DPP10: variants seen among roughly 807,000 people sequenced by gnomAD.
DPP10 encodes the protein dipeptidyl peptidase like 10, also known as inactive dipeptidyl peptidase 10.
In DPP10, 33 loss-of-function variants were observed where a neutral mutation model predicts 120.9. That is an observed-to-expected ratio of 0.27 (90% CI 0.21 to 0.37). DPP10 has a LOEUF of 0.37. Ranked by LOEUF, DPP10 falls within the 10% of genes least tolerant of loss-of-function variation. The probability of loss-of-function intolerance (pLI) is 1.00; values close to 1 mark genes in which losing one functional copy is unlikely to be tolerated. For synonymous variants in DPP10, 337 were observed against 326.1 expected (o/e 1.03, Z -0.36); for missense variants, 816 against 942.8 (o/e 0.87, Z 1.76).
At chr2:114,948,191 C>A (rs76704099) in intron 1 of DPP10, among the ~76,000 whole-genome samples, 1 of 152,044 alleles carries the variant, frequency 6.6e-6, no homozygotes, top group South Asian at 2.1e-4. Flanking sequence ...TCAGCTCACT[C>A]GTTTGTTCTT....
At chr2:115,442,971 AC>A (rs1429114690) in intron 3 of DPP10, among the ~76,000 whole-genome samples, 2 of 152,188 alleles carry the variant, frequency 1.3e-5, no homozygotes, top group Non-Finnish European at 2.9e-5. Flanking sequence ...AAGGTCTGTA[AC>A]AATGATTGAG....
intron 13 of DPP10, 75 bp from the exon 14 acceptor site, chr2:115,777,133 A>G (rs1682198736): frequency 3.1e-6 from 4 of 1,292,846 alleles, no homozygotes; most frequent in Middle Eastern, 1.9e-4. Flanking sequence ...TGTCACAAGC[A>G]GTTGGTACAT....
chr2:114,907,052 T>A (rs1023487533), intron 1 of DPP10, among the ~76,000 whole-genome samples: 1 of 152,164 alleles, frequency 6.6e-6, no homozygotes, highest in African/African-American at 2.4e-5. Context: ...TGAATCAGTC[T>A]TGGTAGTTTG....
intron 5 of DPP10, among the ~76,000 whole-genome samples, chr2:115,563,464 G>A (rs2080813597): frequency 6.6e-6 from 1 of 152,084 alleles, no homozygotes; most frequent in African/African-American, 2.4e-5. Flanking sequence ...ATGAGAAAAT[G>A]GAAAGGCAAA....
At position 115,517,637 on chromosome 2, in the gene DPP10, A is replaced by G. The variant is rs182489502; in HGVS notation, c.367-8261A>G. On this transcript the variant is annotated intron_variant, in intron 4 of 25. Transcript: ENST00000410059. ...TCTTTACATATATTACCATATATTTATTGTTTATCTTACATTTAAATTTAA... is the reference window on the plus strand; with the variant it reads ...TCTTTACATATATTACCATATATTTGTTGTTTATCTTACATTTAAATTTAA... 4.6e-5 allele frequency among the ~76,000 whole-genome samples: 7 copies of G among 152,248 alleles called. No individual in the cohort carries two copies. In the East Asian group the frequency reaches 1.4e-3, roughly 29 times the overall value.
chr2:114,528,073 T>C (rs1685653095), intron 1 of DPP10, among the ~76,000 whole-genome samples: 1 of 152,132 alleles, frequency 6.6e-6, no homozygotes, highest in Admixed American at 6.5e-5. Context: ...AGGAACTTAC[T>C]TGAAGACGGA....
chr2:115,419,974 C>T (rs1356249367), intron 3 of DPP10, among the ~76,000 whole-genome samples: 1 of 152,048 alleles, frequency 6.6e-6, no homozygotes, highest in Non-Finnish European at 1.5e-5. Context: ...AGATGACTTA[C>T]ATTATCCTTA....
intron 5 of DPP10, among the ~76,000 whole-genome samples, chr2:115,659,711 G>T (rs1404614752): frequency 6.6e-6 from 1 of 152,104 alleles, no homozygotes; most frequent in Non-Finnish European, 1.5e-5. Context: ...AATATACAGA[G>T]AAATTTCCAA....
intron 3 of DPP10, among the ~76,000 whole-genome samples, chr2:115,374,649 C>T (rs1408057584): frequency 6.6e-6 from 1 of 152,230 alleles, no homozygotes; most frequent in Non-Finnish European, 1.5e-5. Context: ...TCTGCCTGGA[C>T]ATCCAGGCGT....
At chr2:115,668,478 G>T (rs1381819675) in intron 5 of DPP10, among the ~76,000 whole-genome samples, 2 of 152,044 alleles carry the variant, frequency 1.3e-5, no homozygotes, top group African/African-American at 4.8e-5. Flanking sequence ...GAATTTCCCA[G>T]ACCCCAGGAG....
chr2:114,517,451 C>T (rs1475324038), intron 1 of DPP10, among the ~76,000 whole-genome samples: 19 of 150,076 alleles, frequency 1.3e-4, no homozygotes, highest in African/African-American at 2.2e-4. Flanking sequence ...ACCTGGGAGA[C>T]GGAGGCTGCA....
At chr2:115,128,045 T>C (rs773627683) in intron 1 of DPP10, among the ~76,000 whole-genome samples, 8 of 152,224 alleles carry the variant, frequency 5.3e-5, no homozygotes, top group Non-Finnish European at 8.8e-5. Context: ...TTGTTCAGAA[T>C]GCTAAACACA....
intron 1 of DPP10, among the ~76,000 whole-genome samples, chr2:114,641,152 A>C (rs904801675): frequency 2.6e-5 from 4 of 152,022 alleles, no homozygotes; most frequent in Admixed American, 6.5e-5. Flanking sequence ...ACGGTGGCTC[A>C]GAGAAGGTAA....
At chr2:114,490,512 C>A (rs1438463247) in intron 1 of DPP10, among the ~76,000 whole-genome samples, 3 of 152,178 alleles carry the variant, frequency 2.0e-5, no homozygotes, top group African/African-American at 7.2e-5. Flanking sequence ...GAGCTCCACA[C>A]CTGTAATCAA....
intron 5 of DPP10, among the ~76,000 whole-genome samples, chr2:115,636,036 C>T (rs2086297303): frequency 6.6e-6 from 1 of 151,810 alleles, no homozygotes; most frequent in Non-Finnish European, 1.5e-5. Context: ...TTTGGCATTA[C>T]TGATGGTGTA....
chr2:115,343,307 G>A (rs114532945), intron 2 of DPP10, among the ~76,000 whole-genome samples: 2,173 of 152,048 alleles, frequency 0.014, 48 homozygotes, highest in African/African-American at 0.05. Context: ...TGTATTTGTT[G>A]GGTACTAATT....
At chr2:115,377,413 T>C (rs1375092867) in intron 3 of DPP10, among the ~76,000 whole-genome samples, 8 of 152,354 alleles carry the variant, frequency 5.3e-5, no homozygotes. Flanking sequence ...GTTTTTTTCT[T>C]GTAAATTTGT....
At chr2:115,460,747 G>A (rs1204794524) in intron 3 of DPP10, among the ~76,000 whole-genome samples, 1 of 152,164 alleles carries the variant, frequency 6.6e-6, no homozygotes, top group Admixed American at 6.6e-5. Flanking sequence ...AATTGATCTG[G>A]CTACTGCCAG....
chr2:115,748,235 T>C (rs1164225571), intron 10 of DPP10, among the ~76,000 whole-genome samples: 1 of 151,594 alleles, frequency 6.6e-6, no homozygotes, highest in East Asian at 1.9e-4. Flanking sequence ...ATGGGTTTTT[T>C]TTTTTTAGTA....
Sources: gnomAD v4.1 joint callset for allele counts (sites outside exome capture counted in the v4.1 genomes callset) on GRCh38, gnomAD v4.1.1 for gene constraint, MANE v1.5 for transcripts, NCBI Gene and HGNC (gene_info 2026-07-23, HGNC 2026-07-21) for gene names.